The following WIPI1 variants were observed in gnomAD, a reference collection of about 807,000 sequenced individuals.
WIPI1 encodes the protein WD repeat domain, phosphoinositide interacting 1, also known as WD repeat domain phosphoinositide-interacting protein 1.
In WIPI1, 45 loss-of-function variants were observed where a neutral mutation model predicts 55.3. The ratio of observed to expected loss-of-function variants is 0.81; its 90% confidence interval spans 0.64 to 1.04. The LOEUF is 1.04. Among genes scored for constraint, WIPI1 ranks in the 50% least tolerant of loss-of-function variants. The pLI, the probability that WIPI1 is intolerant of heterozygous loss-of-function variation, is 0.00. For synonymous variants in WIPI1, 195 were observed against 217.6 expected (o/e 0.90, Z 0.92); for missense variants, 445 against 559.0 (o/e 0.80, Z 2.06).
chr17:68,456,661 G>A (rs1285035672), intron 1 of WIPI1, among the ~76,000 whole-genome samples: 1 of 152,218 alleles, frequency 6.6e-6, no homozygotes, highest in African/African-American at 2.4e-5. Flanking sequence ...TGGAGAGAAA[G>A]CAGTCTGCGC....
At chr17:68,449,120 AAGAC>A (rs776600129) in intron 3 of WIPI1, among the ~76,000 whole-genome samples, 73 of 152,374 alleles carry the variant, frequency 4.8e-4, no homozygotes, top group Middle Eastern at 3.4e-3. Context: ...AGTTTAGACA[AAGAC>A]AGAAGAAAAC....
intron 10 of WIPI1, chr17:68,428,626 C>T (rs1182494834): frequency 7.5e-6 from 4 of 533,056 alleles, no homozygotes; most frequent in Non-Finnish European, 1.4e-5. Flanking sequence ...TTAATCCTGG[C>T]ACTTTTCCAG....
chr17:68,435,228 T>C (rs74252535), intron 6 of WIPI1, among the ~76,000 whole-genome samples: 12,995 of 149,974 alleles, frequency 0.087, 712 homozygotes, highest in South Asian at 0.21. Flanking sequence ...AAAAATTCAA[T>C]TGGATCACTT....
intron 11 of WIPI1, among the ~76,000 whole-genome samples, chr17:68,426,600 T>C (rs1036953846): frequency 2.6e-5 from 4 of 152,214 alleles, no homozygotes; most frequent in Admixed American, 2.6e-4. Context: ...TGGTATGATC[T>C]CAGCTCACTG....
At chr17:68,448,921 T>A (rs954224861) in intron 3 of WIPI1, among the ~76,000 whole-genome samples, 1 of 152,220 alleles carries the variant, frequency 6.6e-6, no homozygotes, top group Non-Finnish European at 1.5e-5. Flanking sequence ...TTCTTACTCC[T>A]GCTACTCCCT....
intron 3 of WIPI1, among the ~76,000 whole-genome samples, chr17:68,449,354 G>A (rs1334812161): frequency 1.3e-5 from 2 of 152,214 alleles, no homozygotes; most frequent in Non-Finnish European, 2.9e-5. Flanking sequence ...ATTTGGCCAA[G>A]CGTGGTGGCT....
In WIPI1 at chr17:68,426,251, G is replaced by GGGGGGGGGGA; in HGVS notation, c.1193-77_1193-76insTCCCCCCCCC. The GGGGGGGGGGA allele has an allele frequency of 6.1e-6, 5 of 825,460 alleles. 2 individuals are homozygous for GGGGGGGGGGA. The highest frequency in any genetic ancestry group is 2.6e-5 in the South Asian group (2 of 75,498). 51.1% of individuals were successfully genotyped at this position (825,460 alleles called of 1,614,324 possible). A position where few individuals can be genotyped will look rare whatever the true frequency, so the allele number is the denominator to read the frequency against. ...GCCATGACCTGGCGGGTGGGGAGCG[G>GGGGGGGGGGA]GGGCTCAAATAAAGGGCAAAGGAAG... On this transcript the variant is annotated intron_variant, in intron 11 of 12. Coordinates refer to ENST00000262139, the MANE Select transcript of WIPI1 (RefSeq NM_017983.7).
chr17:68,426,252 G>GGGGGGGA, intron 11 of WIPI1, 77 bp from the exon 12 acceptor site: 1 of 828,188 alleles, frequency 1.2e-6, no homozygotes, highest in Admixed American at 2.3e-5. Context: ...TGGGGAGCGG[G>GGGGGGGA]GGCTCAAATA....
intron 1 of WIPI1, among the ~76,000 whole-genome samples, chr17:68,454,203 C>A (rs1030733141): frequency 1.3e-5 from 2 of 152,230 alleles, no homozygotes; most frequent in Admixed American, 1.3e-4. Context: ...CCTCACCCAG[C>A]TCTTTCCAGC....
At chr17:68,440,493 A>G (rs1419949178) in intron 4 of WIPI1, among the ~76,000 whole-genome samples, 2 of 152,240 alleles carry the variant, frequency 1.3e-5, no homozygotes, top group Non-Finnish European at 2.9e-5. Context: ...CCTAGAAAAT[A>G]TAAGGAGAAA....
At chr17:68,457,314 C>T in intron 1 of WIPI1, 28 bp downstream of exon 1, 3 of 1,539,726 alleles carry the variant, frequency 1.9e-6, no homozygotes, top group Non-Finnish European at 2.6e-6. Context: ...TCCCCCACCT[C>T]CCTGGCAGGG....
At chr17:68,430,233 A>G (rs943169622) in intron 8 of WIPI1, 73 bp from the exon 9 acceptor site, 2 of 1,477,158 alleles carry the variant, frequency 1.4e-6, no homozygotes, top group African/African-American at 1.4e-5. Context: ...CTCCACACCC[A>G]AGCGTCATTA....
chr17:68,426,243 G>GT (rs762554342), intron 11 of WIPI1, 68 bp from the exon 12 acceptor site: 5 of 935,278 alleles, frequency 5.3e-6, no homozygotes, highest in Non-Finnish European at 6.3e-6. Flanking sequence ...CCTGGCGGGT[G>GT]GGGAGCGGGG....
chr17:68,443,623 A>G (rs2084171334), intron 4 of WIPI1, among the ~76,000 whole-genome samples: 1 of 152,230 alleles, frequency 6.6e-6, no homozygotes, highest in African/African-American at 2.4e-5. Context: ...AAGGGAACCA[A>G]GGTTCAAAAA....
At chr17:68,432,539 CA>C (rs2083574867) in intron 8 of WIPI1, among the ~76,000 whole-genome samples, 1 of 152,020 alleles carries the variant, frequency 6.6e-6, no homozygotes, top group Admixed American at 6.6e-5. Flanking sequence ...ATGAGGTCCG[CA>C]TGTGTCAGCA....
intron 4 of WIPI1, among the ~76,000 whole-genome samples, chr17:68,438,458 G>A (rs1311899857): frequency 6.6e-6 from 1 of 152,248 alleles, no homozygotes; most frequent in East Asian, 1.9e-4. Context: ...AGATCTGGTT[G>A]TCTTGTGTGC....
At chr17:68,433,804 A>G (rs912692660) in intron 7 of WIPI1, among the ~76,000 whole-genome samples, 1 of 96,638 alleles carries the variant, frequency 1.0e-5, no homozygotes, top group African/African-American at 5.0e-5. Flanking sequence ...TTTTTGAGAC[A>G]GAGTCTCTCG....
chr17:68,421,923 G>T, intron 12 of WIPI1, 103 bp from the exon 13 acceptor site: 5 of 1,466,686 alleles, frequency 3.4e-6, no homozygotes, highest in Non-Finnish European at 9.5e-7. Flanking sequence ...GCAGGGAGAG[G>T]CTGGGCACTG....
intron 6 of WIPI1, 84 bp from the exon 7 acceptor site, chr17:68,434,710 G>T: frequency 7.2e-7 from 1 of 1,392,946 alleles, no homozygotes; most frequent in East Asian, 2.4e-5. Flanking sequence ...TTGTTTTATT[G>T]GTTTTGAACA....
Sources: gnomAD v4.1 joint callset for allele counts (sites outside exome capture counted in the v4.1 genomes callset) on GRCh38, gnomAD v4.1.1 for gene constraint, MANE v1.5 for transcripts, NCBI Gene and HGNC (gene_info 2026-07-23, HGNC 2026-07-21) for gene names.